Variants in TRIM2 observed in about 807,000 individuals in gnomAD.
The protein encoded by TRIM2 is tripartite motif containing 2.
A neutral mutation model predicts 75.2 loss-of-function variants in TRIM2; 20 were observed. The ratio of observed to expected loss-of-function variants is 0.27; its 90% CI spans 0.19 to 0.39. The LOEUF is 0.39. TRIM2 is among the 10% of genes least tolerant of loss of function. The pLI is 1.00. For missense variants in TRIM2, 660 were observed against 990.8 expected, an observed-to-expected ratio of 0.67 and a Z score of 4.48; for synonymous variants, 373 against 388.3, an observed-to-expected ratio of 0.96 and a Z score of 0.46.
At chr4:153,312,866 TTGTTTC>T (rs1370389614) in intron 6 of TRIM2, among the ~76,000 whole-genome samples, 6 of 152,160 alleles carry the variant, frequency 3.9e-5, no homozygotes, top group African/African-American at 4.8e-5. Flanking sequence ...CATTTTAGAA[TTGTTTC>T]TGTTTCTAGC....
intron 6 of TRIM2, chr4:153,308,149 T>C: frequency 8.3e-7 from 1 of 1,201,496 alleles, no homozygotes; most frequent in Non-Finnish European, 1.2e-6. Flanking sequence ...TCAGTTCCTT[T>C]CCTCTTCACC....
At chr4:153,292,927 A>G in intron 3 of TRIM2, 55 bp from the exon 4 acceptor site, 1 of 1,493,830 alleles carries the variant, frequency 6.7e-7, no homozygotes, top group Non-Finnish European at 9.0e-7. Flanking sequence ...CTTAGTGTAG[A>G]GTAAGCCCTC....
At chr4:153,227,881 C>G (rs1270811233) in intron 1 of TRIM2, among the ~76,000 whole-genome samples, 4 of 152,132 alleles carry the variant, frequency 2.6e-5, no homozygotes, top group Non-Finnish European at 2.9e-5. Context: ...GTACTCTCCT[C>G]GGTATTGGCT....
At chr4:153,236,286 A>G (rs1578791018) in intron 1 of TRIM2, among the ~76,000 whole-genome samples, 1 of 152,036 alleles carries the variant, frequency 6.6e-6, no homozygotes, top group South Asian at 2.1e-4. Flanking sequence ...CATCCCCAAC[A>G]TGGCTTCTAT....
At chr4:153,209,132 C>T (rs1165115641) in intron 1 of TRIM2, among the ~76,000 whole-genome samples, 6 of 152,162 alleles carry the variant, frequency 3.9e-5, no homozygotes, top group African/African-American at 1.2e-4. Flanking sequence ...CCTGAAGGCA[C>T]GTAAGGAGCA....
intron 8 of TRIM2, among the ~76,000 whole-genome samples, chr4:153,318,134 G>A (rs1392161912): frequency 6.6e-6 from 1 of 152,226 alleles, no homozygotes; most frequent in African/African-American, 2.4e-5. Flanking sequence ...ATGTCCTCAT[G>A]CAGGCACCTG....
intron 1 of TRIM2, among the ~76,000 whole-genome samples, chr4:153,165,288 G>C (rs1267924735): frequency 1.3e-5 from 2 of 152,092 alleles, no homozygotes; most frequent in African/African-American, 2.4e-5. Context: ...CTTAAGAAAG[G>C]ATACATTGAA....
chr4:153,176,238 G>A lies in TRIM2; in HGVS notation c.-49+22968G>A, dbSNP rs1006705835. Among the ~76,000 whole-genome samples the A allele has an allele frequency of 1.1e-3, 161 of 152,114 alleles. 1 individual carries two copies. Among genetic ancestry groups the A allele is most frequent in the Non-Finnish European group, 1.0e-4 (7 of 67,988 alleles). Reference sequence around the variant, plus strand: ...GGAGGTGGAGGCAGGCGGGTTACTTGAGCCCAGGAGTTTGAGACCAGCCTG... The same window carrying A: ...GGAGGTGGAGGCAGGCGGGTTACTTAAGCCCAGGAGTTTGAGACCAGCCTG... On this transcript the variant is annotated intron_variant, in intron 1 of 11. Transcript: ENST00000437508.
intron 8 of TRIM2, among the ~76,000 whole-genome samples, chr4:153,319,654 C>T (rs147809179): frequency 0.032 from 4,848 of 151,956 alleles, 90 homozygotes; most frequent in East Asian, 0.077. Context: ...CACTTGAACC[C>T]GGGAGGCAGA....
At chr4:153,303,181 T>C (rs904202771) in intron 6 of TRIM2, among the ~76,000 whole-genome samples, 2 of 152,158 alleles carry the variant, frequency 1.3e-5, no homozygotes, top group African/African-American at 4.8e-5. Context: ...ATTCAACTTT[T>C]GGCTGGACGC....
intron 1 of TRIM2, among the ~76,000 whole-genome samples, chr4:153,244,135 C>CTTCTTCTTG (rs1460857163): frequency 2.8e-5 from 4 of 142,086 alleles, no homozygotes; most frequent in Non-Finnish European, 6.3e-5. Context: ...TCTTCTTCTT[C>CTTCTTCTTG]TTCTTCTTGT....
Position 153,295,942 on chromosome 4 carries a change from C to A in TRIM2, c.1416C>A (p.His472Gln), listed in dbSNP as rs1762677212. ...GCGTTAAGTCCCCGGGGAGCGGCCACGTCAAGCAGAAAGCTGTGAAAAGAC... is the reference window on the plus strand; with the variant it reads ...GCGTTAAGTCCCCGGGGAGCGGCCAAGTCAAGCAGAAAGCTGTGAAAAGAC... ...KRRVKSPGSGHVKQKAVKRPA... is the reference protein window; with the variant it reads ...KRRVKSPGSGQVKQKAVKRPA... Residue 472 changes from histidine (H) to glutamine (Q), a missense_variant, in exon 6 of 12, where the codon CAC (histidine) becomes CAA (glutamine). His to Gln is a conservative substitution (Grantham distance 24). This residue lies in a region of TRIM2 where 620 missense variants were observed against 891.0 expected (regional missense o/e 0.70). Coordinates refer to ENST00000338700, the MANE Select transcript of TRIM2 (RefSeq NM_015271.5). This position sits in a 1 kb window ranked among gnomAD's most constrained non-coding sequence, Gnocchi z 7.2. 6.3e-7 allele frequency: 1 copy of A among 1,589,148 alleles called. No homozygotes were observed. Among genetic ancestry groups the A allele is most frequent in the Admixed American group, 1.8e-5 (1 of 56,072 alleles).
At chr4:153,260,724 A>ACACACACACACATCAT (rs528342465) in intron 1 of TRIM2, among the ~76,000 whole-genome samples, 4 of 112,660 alleles carry the variant, frequency 3.6e-5, no homozygotes, top group African/African-American at 1.2e-4. Flanking sequence ...ACACACACAC[A>ACACACACACACATCAT]CATCATCATC....
intron 1 of TRIM2, among the ~76,000 whole-genome samples, chr4:153,184,240 G>A (rs1017609363): frequency 2.0e-5 from 3 of 152,146 alleles, no homozygotes; most frequent in African/African-American, 7.2e-5. Context: ...GAAGTCGAAG[G>A]TCAGGGTGTC....
intron 1 of TRIM2, among the ~76,000 whole-genome samples, chr4:153,185,133 T>A (rs1732467368): frequency 6.6e-6 from 1 of 152,234 alleles, no homozygotes; most frequent in African/African-American, 2.4e-5. Context: ...ATTCTTCCTG[T>A]GTATGTATTG....
At chr4:153,193,647 A>T (rs1733460412) in intron 1 of TRIM2, among the ~76,000 whole-genome samples, 1 of 152,218 alleles carries the variant, frequency 6.6e-6, no homozygotes, top group Admixed American at 6.5e-5. Flanking sequence ...TTTTGTGGAT[A>T]AGGAAACATA....
chr4:153,313,739 C>T (rs1055447901), intron 6 of TRIM2, among the ~76,000 whole-genome samples: 2 of 146,556 alleles, frequency 1.4e-5, no homozygotes, highest in African/African-American at 2.6e-5. Context: ...TTTGTTTAAG[C>T]GATTCTCCTG....
intron 2 of TRIM2, 76 bp from the exon 3 acceptor site, chr4:153,275,817 T>C (rs1757892121): frequency 1.5e-6 from 2 of 1,350,900 alleles, no homozygotes; most frequent in East Asian, 2.3e-5. Flanking sequence ...GTGTAGTCAC[T>C]GAGAACATGT....
intron 1 of TRIM2, chr4:153,223,031 C>G (rs969822659): frequency 2.6e-5 from 4 of 152,280 alleles, no homozygotes; most frequent in Admixed American, 2.6e-4. Flanking sequence ...AGCGAGTCGC[C>G]GTCTCGTAGT....
Sources: gnomAD v4.1 joint callset for allele counts (sites outside exome capture counted in the v4.1 genomes callset) on GRCh38, gnomAD v4.1.1 for gene constraint, gnomAD v4.1.1 regional missense constraint, Gnocchi (gnomAD v3.1) non-coding constraint, MANE v1.5 for transcripts, NCBI Gene and HGNC (gene_info 2026-07-23, HGNC 2026-07-21) for gene names.